The following C1orf105 variants were observed in gnomAD, a reference collection of about 807,000 sequenced individuals.
C1orf105 encodes uncharacterized protein C1orf105.
C1orf105 carries 17 observed loss-of-function variants against 20.8 expected under a neutral mutation model. The ratio of observed to expected loss-of-function variants is 0.82; its 90% CI spans 0.56 to 1.23. C1orf105 has a LOEUF of 1.23. Among genes scored for constraint, C1orf105 ranks in the 50% most tolerant of loss-of-function variants. The pLI is 0.00. For synonymous variants in C1orf105, 72 were observed against 72.1 expected (o/e 1.00, Z 0.01); for missense variants, 219 against 213.5 (o/e 1.03, Z -0.16).
chr1:172,462,178 G>C lies in C1orf105; in HGVS notation c.274G>C (p.Val92Leu). 6.2e-7 allele frequency: 1 copy of C among 1,607,174 alleles called. No individual in the cohort carries two copies. Among genetic ancestry groups the C allele is most frequent in the Non-Finnish European group, 8.5e-7 (1 of 1,175,970 alleles). ...TTCTAAATGAGACTTTCTTCTTGAGGTACAACCAAGAACAATGAAAATCCC... is the reference window on the plus strand; with the variant it reads ...TTCTAAATGAGACTTTCTTCTTGAGCTACAACCAAGAACAATGAAAATCCC... The part of the protein sequence containing the change: ...LCSTCQEMKM[V>L]QPRTMKIPDD... Residue 92 changes from valine (V) to leucine (L), a missense_variant and splice_region_variant, in exon 5 of 7, where the codon GTA becomes CTA. Transcript: ENST00000367727.
At chr1:172,427,221 C>T (rs2071745670) in intron 1 of C1orf105, among the ~76,000 whole-genome samples, 1 of 152,192 alleles carries the variant, frequency 6.6e-6, no homozygotes, top group Non-Finnish European at 1.5e-5. Context: ...CTCATCACCT[C>T]ATCTACCCAT....
chr1:172,465,641 T>C (rs1205630439), intron 6 of C1orf105: 1 of 574,554 alleles, frequency 1.7e-6, no homozygotes, highest in South Asian at 1.5e-5. Flanking sequence ...AGACTTTCCA[T>C]GGAGATGGGG....
chr1:172,463,799 A>G (rs1558146027), intron 5 of C1orf105, among the ~76,000 whole-genome samples: 1 of 152,236 alleles, frequency 6.6e-6, no homozygotes, highest in Non-Finnish European at 1.5e-5. Context: ...AAGTAAGACC[A>G]AGGATTAAAC....
intron 3 of C1orf105, among the ~76,000 whole-genome samples, chr1:172,450,025 A>G (rs895438124): frequency 3.3e-5 from 5 of 152,236 alleles, no homozygotes; most frequent in African/African-American, 1.2e-4. Flanking sequence ...GCTAACGACC[A>G]GTAGGAGTGA....
intron 3 of C1orf105, among the ~76,000 whole-genome samples, chr1:172,448,732 G>A (rs537776934): frequency 4.9e-4 from 74 of 152,190 alleles, no homozygotes; most frequent in African/African-American, 1.7e-3. Flanking sequence ...CTAGAACTAA[G>A]AATACAGGCA....
At chr1:172,447,908 C>T (rs528199566) in intron 2 of C1orf105, among the ~76,000 whole-genome samples, 31 of 152,270 alleles carry the variant, frequency 2.0e-4, no homozygotes, top group Middle Eastern at 3.4e-3. Flanking sequence ...AGGCAGGTCA[C>T]CCTGTAAAAG....
intron 4 of C1orf105, among the ~76,000 whole-genome samples, chr1:172,461,414 A>G (rs1233472565): frequency 6.6e-6 from 1 of 152,224 alleles, no homozygotes; most frequent in Non-Finnish European, 1.5e-5. Context: ...CTGCACCCAC[A>G]TCTTTGTAAT....
intron 3 of C1orf105, among the ~76,000 whole-genome samples, chr1:172,449,413 A>G (rs1469714933): frequency 6.6e-6 from 1 of 152,090 alleles, no homozygotes; most frequent in Non-Finnish European, 1.5e-5. Context: ...AAGTGAGGGA[A>G]TGATTCAAGA....
intron 1 of C1orf105, among the ~76,000 whole-genome samples, chr1:172,444,461 C>T (rs867983321): frequency 2.6e-5 from 4 of 152,308 alleles, no homozygotes; most frequent in African/African-American, 9.6e-5. Flanking sequence ...TTGGGGTGCT[C>T]ATGATACAGC....
At position 172,431,299 on chromosome 1, in the gene C1orf105, A is replaced by G. The variant is rs943302609; in HGVS notation, c.21+10393A>G. ...GAAGGAAATTAAAAGTGGTACTCCCATGATAAGAAACTAAAAGAGCCTTAC... is the reference window on the plus strand; with the variant it reads ...GAAGGAAATTAAAAGTGGTACTCCCGTGATAAGAAACTAAAAGAGCCTTAC... On this transcript the variant is annotated intron_variant, in intron 1 of 6. Transcript: ENST00000367727. The G allele has an allele frequency of 9.4e-6, 4 of 425,248 alleles. No homozygotes were observed. In the Admixed American group the frequency reaches 1.6e-4, roughly 17 times the overall value. 26.3% of individuals were successfully genotyped at this position (425,248 alleles called of 1,614,324 possible).
At chr1:172,437,387 A>G (rs1481701339) in intron 1 of C1orf105, among the ~76,000 whole-genome samples, 1 of 152,148 alleles carries the variant, frequency 6.6e-6, no homozygotes, top group Non-Finnish European at 1.5e-5. Flanking sequence ...CATATACACC[A>G]TAGAATACTA....
Position 172,432,387 on chromosome 1 carries a change from T to C in C1orf105, c.21+11481T>C, listed in dbSNP as rs1480548560. On this transcript the variant is annotated intron_variant, in intron 1 of 6. Coordinates refer to ENST00000367727, the MANE Select transcript of C1orf105 (RefSeq NM_139240.4). ...GGTGGGTGCCTCTCTGGGACGAAGA[T>C]TCCAGAGGAAGGATCAGGCAGCAAT... Among the ~76,000 whole-genome samples, 3 of 152,276 alleles carry C rather than the reference T, an allele frequency of 2.0e-5. No individual in the cohort carries two copies. The East Asian group carries it at 5.8e-4, about 29-fold the overall frequency.
At chr1:172,466,869 G>A (rs1650104785) in intron 6 of C1orf105, among the ~76,000 whole-genome samples, 2 of 152,150 alleles carry the variant, frequency 1.3e-5, no homozygotes, top group Non-Finnish European at 2.9e-5. Context: ...TTGTAAAACT[G>A]GCTAGGAGCT....
chr1:172,431,247 A>G, intron 1 of C1orf105: 1 of 437,760 alleles, frequency 2.3e-6, no homozygotes, highest in Non-Finnish European at 4.0e-6. Context: ...CAAACAGCCA[A>G]GTTGTGAATG....
intron 1 of C1orf105, 64 bp from the exon 2 acceptor site, chr1:172,445,009 C>T: frequency 7.5e-7 from 1 of 1,326,600 alleles, no homozygotes; most frequent in African/African-American, 1.5e-5. Flanking sequence ...TGACTTTGGC[C>T]ATCGTAATGA....
chr1:172,429,269 CAT>C (rs1377492620), intron 1 of C1orf105, among the ~76,000 whole-genome samples: 12 of 152,234 alleles, frequency 7.9e-5, no homozygotes, highest in African/African-American at 2.6e-4. Flanking sequence ...CACACACACA[CAT>C]ACACACACAA....
intron 1 of C1orf105, among the ~76,000 whole-genome samples, chr1:172,423,543 C>A (rs2071645103): frequency 6.6e-6 from 1 of 151,668 alleles, no homozygotes; most frequent in African/African-American, 2.4e-5. Flanking sequence ...ACAAACAAGC[C>A]CAGACCAGAC....
At chr1:172,425,614 C>T (rs1271596557) in intron 1 of C1orf105, among the ~76,000 whole-genome samples, 1 of 152,102 alleles carries the variant, frequency 6.6e-6, no homozygotes, top group Non-Finnish European at 1.5e-5. Flanking sequence ...AACCCTGGCT[C>T]TCACCTAAGC....
At chr1:172,425,238 T>TA (rs747892910) in intron 1 of C1orf105, among the ~76,000 whole-genome samples, 1 of 152,158 alleles carries the variant, frequency 6.6e-6, no homozygotes, top group Non-Finnish European at 1.5e-5. Context: ...CTGATGGGCA[T>TA]AAGGAGGCAG....
Sources: gnomAD v4.1 joint callset for allele counts (sites outside exome capture counted in the v4.1 genomes callset) on GRCh38, gnomAD v4.1.1 for gene constraint, MANE v1.5 for transcripts, NCBI Gene and HGNC (gene_info 2026-07-23, HGNC 2026-07-21) for gene names.